The following TAS2R46 variants were observed in gnomAD, a reference collection of about 807,000 sequenced individuals.
TAS2R46 encodes taste 2 receptor member 46.
For synonymous variants in TAS2R46, 123 were observed against 121.8 expected (o/e 1.01, Z -0.07); for missense variants, 361 against 347.4 (o/e 1.04, Z -0.31).
chr12:11,061,653 T>C lies in TAS2R46; in HGVS notation c.642A>G (p.Lys214=), dbSNP rs1172414817. The C allele has an allele frequency of 1.2e-6, 2 of 1,613,992 alleles. No homozygotes were observed. Among genetic ancestry groups the C allele is most frequent in the African/African-American group, 2.7e-5 (2 of 74,910 alleles). Reference sequence around the variant, plus strand: ...CCTTCATGCTGGGATCTTGAGATCCTTTGCCATGGAGCTGCATCTTTTTGA... The same window carrying C: ...CCTTCATGCTGGGATCTTGAGATCCCTTGCCATGGAGCTGCATCTTTTTGA... The part of the protein sequence containing the change: ...KHLKKMQLHG[K]GSQDPSMKVH... The change falls in exon 1 of 1, where the codon AAA becomes AAG. Residue 214 remains lysine (K), a synonymous_variant. Transcript: ENST00000533467.
Position 11,062,044 on chromosome 12 carries a change from G to A in TAS2R46, c.251C>T (p.Ala84Val), listed in dbSNP as rs1286637750. ...AFNSIEVRIT[A>V]YNVWAVINHF... The stretch of plus-strand genomic sequence containing the variant: ...GTTGATTACTGCCCAGACATTGTAA[G>A]CAGTAATTCTTACTTCTATACTGTT... The change falls in exon 1 of 1, where the codon GCT becomes GTT. Residue 84 changes from alanine (A) to valine (V), a missense_variant. Coordinates refer to ENST00000533467, the MANE Select transcript of TAS2R46 (RefSeq NM_176887.2). The A allele has an allele frequency of 6.2e-7, 1 of 1,613,732 alleles. No individual in the cohort carries two copies. Among genetic ancestry groups the A allele is most frequent in the South Asian group, 1.1e-5 (1 of 91,066 alleles).
rs751485209 is a variant in TAS2R46 at position 11,062,270 on chromosome 12, A to C, written c.25T>G (p.Phe9Val). The change falls in exon 1 of 1, where the codon TTT becomes GTT. Residue 9 changes from phenylalanine to valine, a missense_variant. Physicochemically the swap from Phe to Val is conservative, Grantham distance 50 (BLOSUM62 -1). Transcript: ENST00000533467. ...AATGTAACCACTATTAGAATGGAAA[A>C]AATGATGGGCAGAAAAGTTATCATG... MITFLPII[F>V]SILIVVTFVI... is the part of the protein sequence containing the mutation. The C allele has an allele frequency of 1.2e-6, 2 of 1,612,248 alleles. No homozygotes were observed. Among genetic ancestry groups the C allele is most frequent in the South Asian group, 1.1e-5 (1 of 90,826 alleles).
chr12:11,061,722 G>A lies in TAS2R46; in HGVS notation c.573C>T (p.Thr191=), dbSNP rs766317948. ...ILANLVPFTL[T]LISFLLLICS... Reference sequence around the variant, plus strand: ...AGATTAACAGCAGAAAAGATATCAGGGTCAGAGTGAAGGGAACTAAGTTTG... The same window carrying A: ...AGATTAACAGCAGAAAAGATATCAGAGTCAGAGTGAAGGGAACTAAGTTTG... The change falls in exon 1 of 1, where the codon ACC becomes ACT. Residue 191 remains threonine (T), a synonymous_variant. Transcript: ENST00000533467. 5 of 1,614,118 alleles carry A rather than the reference G, an allele frequency of 3.1e-6. No homozygotes were observed. The highest frequency in any genetic ancestry group is 4.2e-6 in the Non-Finnish European group (5 of 1,179,998).
chr12:11,061,777 T>C lies in TAS2R46; in HGVS notation c.518A>G (p.Tyr173Cys), dbSNP rs1341627818. Residue 173 changes from tyrosine to cysteine, a missense_variant, in exon 1 of 1, where the codon TAC becomes TGC. Tyr to Cys is a radical substitution (Grantham distance 194, BLOSUM62 -2). Transcript: ENST00000533467. ...TWKIKLRSAM[Y>C]LSNTTVTILA... ...GATGGTTACCGTTGTATTTGAAAGG[T>C]ACATTGCACTCCTCAGTTTGATCTT... 6.2e-7 allele frequency: 1 copy of C among 1,614,138 alleles called. No homozygotes were observed. Among genetic ancestry groups the C allele is most frequent in the Non-Finnish European group, 8.5e-7 (1 of 1,180,006 alleles).
At position 11,061,913 on chromosome 12, in the gene TAS2R46, C is replaced by T. The variant is rs1377887940; in HGVS notation, c.382G>A (p.Val128Ile). 1 of 1,613,980 alleles carries T rather than the reference C, an allele frequency of 6.2e-7. No homozygotes were observed. Among genetic ancestry groups the T allele is most frequent in the Admixed American group, 1.7e-5 (1 of 59,970 alleles). ...FLHLKRRVKS[V>I]VLVILLGPLL... The stretch of plus-strand genomic sequence containing the variant: ...GGCCCCAATAGTATCACCAGAACAA[C>T]ACTCTTAACTCTCCTCTTTAAGTGA... Residue 128 changes from valine to isoleucine, a missense_variant, in exon 1 of 1, where the codon GTT (valine) becomes ATT (isoleucine). Coordinates refer to ENST00000533467, the MANE Select transcript of TAS2R46 (RefSeq NM_176887.2).
Position 11,061,676 on chromosome 12 carries a change from T to G in TAS2R46, c.619A>C (p.Lys207Gln). 6.2e-7 allele frequency: 1 copy of G among 1,614,132 alleles called. No individual in the cohort carries two copies. The highest frequency in any genetic ancestry group is 8.5e-7 in the Non-Finnish European group (1 of 1,179,976). ...LLICSLCKHL[K>Q]KMQLHGKGSQ... is the part of the protein sequence containing the mutation. ...CCTTTGCCATGGAGCTGCATCTTTT[T>G]GAGATGTTTACACAGAGAACAGATT... Residue 207 changes from lysine (K) to glutamine (Q), a missense_variant, in exon 1 of 1, where the codon AAA becomes CAA. Transcript: ENST00000533467.
Position 11,061,945 on chromosome 12 carries a change from A to T in TAS2R46, c.350T>A (p.Ile117Asn). The change falls in exon 1 of 1, where the codon ATT becomes AAT. Residue 117 changes from isoleucine to asparagine, a missense_variant. Ile to Asn is a moderately radical substitution (Grantham distance 149). Transcript: ENST00000533467. ...LLKIANFSNL[I>N]FLHLKRRVKS... Reference sequence around the variant, plus strand: ...AACTCTCCTCTTTAAGTGAAGAAAAATAAGGTTGGAGAAATTGGCAATCTT... The same window carrying T: ...AACTCTCCTCTTTAAGTGAAGAAAATTAAGGTTGGAGAAATTGGCAATCTT... 1.2e-6 allele frequency: 2 copies of T among 1,614,010 alleles called. No individual in the cohort carries two copies. Among genetic ancestry groups the T allele is most frequent in the Non-Finnish European group, 1.7e-6 (2 of 1,179,924 alleles).
rs780826651 is a variant in TAS2R46, at chr12:11,062,029, G to T, written c.266C>A (p.Ala89Glu). ...EVRITAYNVW[A>E]VINHFSNWLA... is the part of the protein sequence containing the mutation. ...CCAGTTGCTGAAATGGTTGATTACT[G>T]CCCAGACATTGTAAGCAGTAATTCT... is the stretch of plus-strand genomic sequence containing the variant. Residue 89 changes from alanine to glutamate, a missense_variant, in exon 1 of 1, where the codon GCA (alanine) becomes GAA (glutamate). By Grantham distance (107) the Ala-to-Glu change is moderately radical. Transcript: ENST00000533467. 4.3e-6 allele frequency: 7 copies of T among 1,613,496 alleles called. No individual in the cohort carries two copies. In the South Asian group the frequency reaches 7.7e-5, roughly 18 times the overall value.
rs777100331 is a variant in TAS2R46 at position 11,062,067 on chromosome 12, G to A, written c.228C>T (p.Asn76=). 4 of 1,613,660 alleles carry A rather than the reference G, an allele frequency of 2.5e-6. No homozygotes were observed. Among genetic ancestry groups the A allele is most frequent in the South Asian group, 1.1e-5 (1 of 91,068 alleles). ...AAGCAGTAATTCTTACTTCTATACT[G>A]TTAAAAGCTGGATTCAACTCAGTTG... ...WYATELNPAF[N]SIEVRITAYN... is the part of the protein sequence containing the mutation. Residue 76 remains asparagine (N), a synonymous_variant, in exon 1 of 1, where the codon AAC becomes AAT. Coordinates refer to ENST00000533467, the MANE Select transcript of TAS2R46 (RefSeq NM_176887.2).
In TAS2R46 at chr12:11,061,584, T is replaced by C. The variant is rs1196654455; in HGVS notation, c.711A>G (p.Leu237=). ...TTATGGACAGAAAGTAAATGGCACA[T>C]AACAAGAGGAAGGAGGTCACAGTTT... ...ALQTVTSFLL[L]CAIYFLSIIM... is the part of the protein sequence containing the mutation. The change falls in exon 1 of 1, where the codon TTA becomes TTG. Residue 237 remains leucine (L), a synonymous_variant. Transcript: ENST00000533467. 6.2e-7 allele frequency: 1 copy of C among 1,614,078 alleles called. No homozygotes were observed. Among genetic ancestry groups the C allele is most frequent in the Non-Finnish European group, 8.5e-7 (1 of 1,179,966 alleles).
chr12:11,061,921 A>G lies in TAS2R46; in HGVS notation c.374T>C (p.Val125Ala), dbSNP rs750836867. 6.2e-7 allele frequency: 1 copy of G among 1,613,922 alleles called. No individual in the cohort carries two copies. Among genetic ancestry groups the G allele is most frequent in the Non-Finnish European group, 8.5e-7 (1 of 1,179,926 alleles). ...TAGTATCACCAGAACAACACTCTTA[A>G]CTCTCCTCTTTAAGTGAAGAAAAAT... ...NLIFLHLKRR[V>A]KSVVLVILLG... The change falls in exon 1 of 1, where the codon GTT becomes GCT. Residue 125 changes from valine to alanine, a missense_variant. By Grantham distance (64) the Val-to-Ala change is moderately conservative. Transcript: ENST00000533467.
At position 11,062,192 on chromosome 12, in the gene TAS2R46, A is replaced by G. The variant is rs1943638164; in HGVS notation, c.103T>C (p.Trp35Arg). ...AAAGAGATCTTTTGTCTCTTGAACC[A>G]CTCAATGGAATTTACCAATGCTATG... ...GFIALVNSIE[W>R]FKRQKISFAD... Residue 35 changes from tryptophan to arginine, a missense_variant, in exon 1 of 1, where the codon TGG becomes CGG. By Grantham distance (101) the Trp-to-Arg change is moderately radical. Coordinates refer to ENST00000533467, the MANE Select transcript of TAS2R46 (RefSeq NM_176887.2). The G allele has an allele frequency of 3.7e-6, 6 of 1,613,548 alleles. No homozygotes were observed. The highest frequency in any genetic ancestry group is 4.2e-6 in the Non-Finnish European group (5 of 1,179,720).
Position 11,062,172 on chromosome 12 carries a change from G to T in TAS2R46, c.123C>A (p.Ile41=). Residue 41 remains isoleucine (I), a synonymous_variant, in exon 1 of 1, where the codon ATC becomes ATA. Coordinates refer to ENST00000533467, the MANE Select transcript of TAS2R46 (RefSeq NM_176887.2). ...NSIEWFKRQK[I]SFADQILTAL... The stretch of plus-strand genomic sequence containing the variant: ...CAGTGAGAATTTGGTCAGCAAAAGA[G>T]ATCTTTTGTCTCTTGAACCACTCAA... 2 of 1,613,612 alleles carry T rather than the reference G, an allele frequency of 1.2e-6. No homozygotes were observed. The highest frequency in any genetic ancestry group is 1.7e-6 in the Non-Finnish European group (2 of 1,179,776).
Position 11,061,846 on chromosome 12 carries a change from T to C in TAS2R46, c.449A>G (p.Asn150Ser). The change falls in exon 1 of 1, where the codon AAT (asparagine) becomes AGT (serine). Residue 150 changes from asparagine to serine, a missense_variant. Asn to Ser is a conservative substitution (Grantham distance 46, BLOSUM62 1). Coordinates refer to ENST00000533467, the MANE Select transcript of TAS2R46 (RefSeq NM_176887.2). The part of the protein sequence containing the change: ...LVCHLFVINM[N>S]QIIWTKEYEG... ...ATATTCTTTTGTCCATATAATCTGATTCATGTTTATCACAAAAAGATGACA... is the reference window on the plus strand; with the variant it reads ...ATATTCTTTTGTCCATATAATCTGACTCATGTTTATCACAAAAAGATGACA... The C allele has an allele frequency of 6.2e-7, 1 of 1,614,164 alleles. No individual in the cohort carries two copies. Among genetic ancestry groups the C allele is most frequent in the East Asian group, 2.2e-5 (1 of 44,890 alleles).
rs780063069 is a variant in TAS2R46, at chr12:11,061,634, T to C, written c.661A>G (p.Met221Val). ...LHGKGSQDPS[M>V]KVHIKALQTV... ...TGCAAAGCTTTTATGTGGACCTTCA[T>C]GCTGGGATCTTGAGATCCTTTGCCA... Residue 221 changes from methionine (M) to valine (V), a missense_variant, in exon 1 of 1, where the codon ATG becomes GTG. Physicochemically the swap from Met to Val is conservative, Grantham distance 21 (BLOSUM62 1). Transcript: ENST00000533467. 3.7e-6 allele frequency: 6 copies of C among 1,613,994 alleles called. No individual in the cohort carries two copies. The South Asian group carries it at 6.6e-5, about 18-fold the overall frequency.
rs762164220 is a variant in TAS2R46, at chr12:11,061,911, A to T, written c.384T>A (p.Val128=). 6.4e-7 allele frequency: 1 copy of T among 1,566,874 alleles called. No homozygotes were observed. Among genetic ancestry groups the T allele is most frequent in the Non-Finnish European group, 8.7e-7 (1 of 1,155,588 alleles). ...AAGGCCCCAATAGTATCACCAGAAC[A>T]ACACTCTTAACTCTCCTCTTTAAGT... is the stretch of plus-strand genomic sequence containing the variant. The part of the protein sequence containing the change: ...FLHLKRRVKS[V]VLVILLGPLL... Residue 128 remains valine, a synonymous_variant, in exon 1 of 1, where the codon GTT becomes GTA. Transcript: ENST00000533467.
chr12:11,062,009 T>G lies in TAS2R46; in HGVS notation c.286A>C (p.Asn96His), dbSNP rs1422729931. The part of the protein sequence containing the change: ...NVWAVINHFS[N>H]WLATSLSIFY... ...ATGCTGAGGCTAGTAGCAAGCCAGT[T>G]GCTGAAATGGTTGATTACTGCCCAG... The change falls in exon 1 of 1, where the codon AAC becomes CAC. Residue 96 changes from asparagine (N) to histidine (H), a missense_variant. Transcript: ENST00000533467. The G allele has an allele frequency of 6.2e-7, 1 of 1,613,760 alleles. No homozygotes were observed. The highest frequency in any genetic ancestry group is 8.5e-7 in the Non-Finnish European group (1 of 1,179,872).
rs376408921 is a variant in TAS2R46, at chr12:11,062,025, T to G, written c.270A>C (p.Val90=). 154 of 1,613,760 alleles carry G rather than the reference T, an allele frequency of 9.5e-5. 1 individual carries two copies. Among genetic ancestry groups the G allele is most frequent in the South Asian group, 3.8e-4 (35 of 91,066 alleles). Residue 90 remains valine, a synonymous_variant, in exon 1 of 1, where the codon GTA becomes GTC. Coordinates refer to ENST00000533467, the MANE Select transcript of TAS2R46 (RefSeq NM_176887.2). ...VRITAYNVWA[V]INHFSNWLAT... is the part of the protein sequence containing the mutation. ...CAAGCCAGTTGCTGAAATGGTTGAT[T>G]ACTGCCCAGACATTGTAAGCAGTAA...
At position 11,062,100 on chromosome 12, in the gene TAS2R46, A is replaced by G. The variant is rs1483032881; in HGVS notation, c.195T>C (p.Asn65=). Residue 65 remains asparagine (N), a synonymous_variant, in exon 1 of 1, where the codon AAT becomes AAC. Transcript: ENST00000533467. The stretch of plus-strand genomic sequence containing the variant: ...CTGGATTCAACTCAGTTGCATACCA[A>G]TTTAATACTAATACCCAGAGTAAAC... ...RVGLLWVLVL[N]WYATELNPAF... is the part of the protein sequence containing the mutation. 1 of 1,613,578 alleles carries G rather than the reference A, an allele frequency of 6.2e-7. No homozygotes were observed. Among genetic ancestry groups the G allele is most frequent in the Non-Finnish European group, 8.5e-7 (1 of 1,179,826 alleles).
Sources: allele counts gnomAD v4.1 joint callset, GRCh38; gene constraint gnomAD v4.1.1; transcripts MANE v1.5; gene names NCBI Gene and HGNC (gene_info 2026-07-23, HGNC 2026-07-21).